Variants in BORA observed in about 807,000 individuals in gnomAD.
BORA encodes the protein BORA aurora kinase A activator, also known as protein aurora borealis.
In BORA, 26 loss-of-function variants were observed where a neutral mutation model predicts 55.8. The observed-to-expected ratio is 0.47, with a 90% CI of 0.34 to 0.65. The LOEUF is 0.65. Among genes scored for constraint, BORA ranks in the 30% least tolerant of loss-of-function variants. The pLI is 0.01. For synonymous variants in BORA, 201 were observed against 216.9 expected, an observed-to-expected ratio of 0.93 and a Z score of 0.64; for missense variants, 568 against 671.5, an observed-to-expected ratio of 0.85 and a Z score of 1.70.
intron 4 of BORA, among the ~76,000 whole-genome samples, chr13:72,736,667 T>C (rs1038119841): frequency 6.6e-6 from 1 of 152,166 alleles, no homozygotes; most frequent in African/African-American, 2.4e-5. Flanking sequence ...TGTATATATA[T>C]CTTTATATTC....
At chr13:72,731,417 A>G in intron 3 of BORA, 30 bp downstream of exon 3, 1 of 1,417,836 alleles carries the variant, frequency 7.1e-7, no homozygotes, top group South Asian at 1.2e-5. Flanking sequence ...ACCTAAGTCT[A>G]ATAACACTCT....
intron 5 of BORA, among the ~76,000 whole-genome samples, chr13:72,741,078 G>A (rs2033024678): frequency 6.6e-6 from 1 of 152,172 alleles, no homozygotes; most frequent in African/African-American, 2.4e-5. Context: ...TAATATTTAT[G>A]CAGCAAGGTG....
At chr13:72,748,031 G>C (rs932085266) in intron 10 of BORA, among the ~76,000 whole-genome samples, 1 of 152,132 alleles carries the variant, frequency 6.6e-6, no homozygotes, top group Non-Finnish European at 1.5e-5. Context: ...TGTTCTTTGA[G>C]CTGAGAATTT....
rs560811677 is a variant in BORA, at chr13:72,731,423, A to G, written c.260+36A>G. 22 of 1,382,762 alleles carry G rather than the reference A, an allele frequency of 1.6e-5. No homozygotes were observed. In the South Asian group the frequency reaches 2.5e-4, roughly 16 times the overall value. The allele number at this position is 1,382,762 out of a possible 1,614,324, so 85.7% of individuals were successfully genotyped here. ...CTTTCTTGCACCTAAGTCTAATAAC[A>G]CTCTCAAGTGAAGAGAGGTAGGAAA... is the stretch of plus-strand genomic sequence containing the variant. On this transcript the variant is annotated intron_variant, in intron 3 of 11. Coordinates refer to ENST00000390667, the MANE Select transcript of BORA (RefSeq NM_024808.5).
intron 10 of BORA, among the ~76,000 whole-genome samples, chr13:72,751,823 T>C (rs1333189268): frequency 6.6e-6 from 1 of 152,308 alleles, no homozygotes; most frequent in East Asian, 1.9e-4. Context: ...TGTAAACATA[T>C]CAAAATATCA....
chr13:72,739,560 TAA>T (rs1394574089), intron 5 of BORA, among the ~76,000 whole-genome samples: 1 of 151,964 alleles, frequency 6.6e-6, no homozygotes, highest in African/African-American at 2.4e-5. Flanking sequence ...GAGCAGAGGG[TAA>T]GTTTGTTTTG....
In BORA at chr13:72,746,527, C is replaced by T. The variant is rs1566226727; in HGVS notation, c.898C>T (p.Pro300Ser). Reference protein sequence around the residue: ...SEQRKFTVHSPDASSGTNSNG... With the variant: ...SEQRKFTVHSSDASSGTNSNG... ...ACAAAGGAAGTTTACTGTTCATTCTCCTGATGCTTCATCTGGAACAAATTC... is the reference window on the plus strand; with the variant it reads ...ACAAAGGAAGTTTACTGTTCATTCTTCTGATGCTTCATCTGGAACAAATTC... The change falls in exon 10 of 12, where the codon CCT becomes TCT. Residue 300 changes from proline to serine, a missense_variant. Coordinates refer to ENST00000390667, the MANE Select transcript of BORA (RefSeq NM_024808.5). 6.8e-6 allele frequency: 11 copies of T among 1,613,116 alleles called. No homozygotes were observed. Among genetic ancestry groups the T allele is most frequent in the Non-Finnish European group, 7.6e-6 (9 of 1,179,318 alleles).
chr13:72,749,589 A>G (rs1340238991), intron 10 of BORA, among the ~76,000 whole-genome samples: 1 of 150,826 alleles, frequency 6.6e-6, no homozygotes, highest in East Asian at 1.9e-4. Flanking sequence ...TGAGTTTTTT[A>G]TTTTCTACAC....
At chr13:72,750,951 C>A (rs1283958884) in intron 10 of BORA, among the ~76,000 whole-genome samples, 1 of 152,114 alleles carries the variant, frequency 6.6e-6, no homozygotes, top group Non-Finnish European at 1.5e-5. Context: ...TTAGTTGAGG[C>A]GCGAGCATGG....
At chr13:72,731,463 T>A (rs2032815296) in intron 3 of BORA, 76 bp downstream of exon 3, 1 of 1,121,974 alleles carries the variant, frequency 8.9e-7, no homozygotes, top group Admixed American at 2.1e-5. Flanking sequence ...AAATGTTGAG[T>A]ATTTTTCTAT....
rs766724175 is a variant in BORA at position 72,728,909 on chromosome 13, T to C, written c.-15-17T>C. On this transcript the variant is annotated splice_polypyrimidine_tract_variant and intron_variant, in intron 1 of 11. Transcript: ENST00000390667. Reference sequence around the variant, plus strand: ...GACTTTGTAATTTTAACATGCATACTCTTGATTTCTTTTTAGTTTTCTCTC... The same window carrying C: ...GACTTTGTAATTTTAACATGCATACCCTTGATTTCTTTTTAGTTTTCTCTC... 3 of 1,550,758 alleles carry C rather than the reference T, an allele frequency of 1.9e-6. No homozygotes were observed. In the African/African-American group the frequency reaches 4.2e-5, roughly 22 times the overall value.
In BORA at chr13:72,746,811, C is replaced by T; in HGVS notation, c.1182C>T (p.Thr394=). Residue 394 remains threonine (T), a synonymous_variant, in exon 10 of 12, where the codon ACC becomes ACT. Coordinates refer to ENST00000390667, the MANE Select transcript of BORA (RefSeq NM_024808.5). ...GGCAGTTTAGTAATGAGGCTTCTAC[C>T]CATGGTACACATTTGGTTGTGACTG... ...HLRQFSNEAS[T]HGTHLVVTAM... 6.2e-7 allele frequency: 1 copy of T among 1,614,082 alleles called. No homozygotes were observed. The highest frequency in any genetic ancestry group is 1.1e-5 in the South Asian group (1 of 91,062).
rs1184801711 is a variant in BORA, at chr13:72,746,991, T to C, written c.1362T>C (p.Asn454=). ...CTTGGATTAAGGAGCCGGTTGATAA[T>C]GGCAGTTTACCCATGACTGATTTTG... ...ETTWIKEPVD[N]GSLPMTDFVS... The change falls in exon 10 of 12, where the codon AAT becomes AAC. Residue 454 remains asparagine, a synonymous_variant. Coordinates refer to ENST00000390667, the MANE Select transcript of BORA (RefSeq NM_024808.5). 3.1e-6 allele frequency: 5 copies of C among 1,613,988 alleles called. No homozygotes were observed. Among genetic ancestry groups the C allele is most frequent in the Non-Finnish European group, 4.2e-6 (5 of 1,179,992 alleles).
At chr13:72,742,645 A>G (rs1272238909) in intron 5 of BORA, among the ~76,000 whole-genome samples, 1 of 152,028 alleles carries the variant, frequency 6.6e-6, no homozygotes, top group Non-Finnish European at 1.5e-5. Context: ...TACTATTTCA[A>G]AGAGATACCT....
chr13:72,746,378 TAAAC>T (rs2033142200), intron 9 of BORA, 119 bp from the exon 10 acceptor site: 11 of 1,190,380 alleles, frequency 9.2e-6, no homozygotes, highest in Non-Finnish European at 1.3e-5. Flanking sequence ...TTCACTTTGG[TAAAC>T]AACACAACTG....
Position 72,747,213 on chromosome 13 carries a change from C to T in BORA, c.1482+102C>T. 2.4e-6 allele frequency: 3 copies of T among 1,252,076 alleles called. No homozygotes were observed. In the East Asian group the frequency reaches 7.0e-5, roughly 29 times the overall value. The allele number at this position is 1,252,076 out of a possible 1,614,324, so 77.6% of individuals were successfully genotyped here. A position where few individuals can be genotyped will look rare whatever the true frequency, so the allele number is the denominator to read the frequency against. ...AAAGATAATGGATTAAACATGAGGA[C>T]TACAGTATTATATAATATTTTTTAA... On this transcript the variant is annotated intron_variant, in intron 10 of 11. Coordinates refer to ENST00000390667, the MANE Select transcript of BORA (RefSeq NM_024808.5).
In BORA at chr13:72,731,472, A is replaced by G; in HGVS notation, c.260+85A>G. ...AATTCTAAATGTTGAGTATTTTTCT[A>G]TGTAAAGGTATCAGGGAGAAAAAAT... On this transcript the variant is annotated intron_variant, in intron 3 of 11. Transcript: ENST00000390667. 4.8e-6 allele frequency: 5 copies of G among 1,034,104 alleles called. No homozygotes were observed. The Admixed American group carries it at 1.2e-4, about 24-fold the overall frequency. 64.1% of individuals were successfully genotyped at this position (1,034,104 alleles called of 1,614,324 possible).
chr13:72,740,381 C>T (rs535342956), intron 5 of BORA, among the ~76,000 whole-genome samples: 19 of 152,232 alleles, frequency 1.2e-4, no homozygotes, highest in African/African-American at 4.3e-4. Context: ...CTGTTAGTTG[C>T]CAAGTTGGGT....
chr13:72,736,733 T>C (rs557097299), intron 4 of BORA, among the ~76,000 whole-genome samples: 219 of 152,324 alleles, frequency 1.4e-3, no homozygotes, highest in African/African-American at 5.0e-3. Context: ...TGGTAGATTT[T>C]ACCATATTGC....
Sources: gnomAD v4.1 joint callset for allele counts (sites outside exome capture counted in the v4.1 genomes callset) on GRCh38, gnomAD v4.1.1 for gene constraint, MANE v1.5 for transcripts, NCBI Gene and HGNC (gene_info 2026-07-23, HGNC 2026-07-21) for gene names.